Variants in STAG2 observed in about 807,000 individuals in gnomAD.
STAG2 encodes the protein cohesin subunit SA-2.
STAG2 carries 14 observed loss-of-function variants against 108.1 expected under a neutral mutation model. The observed-to-expected ratio is 0.13, with a 90% CI of 0.09 to 0.20. The LOEUF is 0.20. Ranked by LOEUF, STAG2 falls within the 10% of genes least tolerant of loss-of-function variation. The pLI, the probability that STAG2 is intolerant of heterozygous loss-of-function variation, is 1.00. For synonymous variants in STAG2, 307 were observed against 302.7 expected (o/e 1.01, Z -0.15); for missense variants, 440 against 940.9 (o/e 0.47, Z 6.96).
chrX:123,999,807 G>A (rs2055938029), intron 1 of STAG2, among the ~76,000 whole-genome samples: 1 of 110,440 alleles, frequency 9.1e-6, no homozygotes, highest in Admixed American at 9.7e-5. Flanking sequence ...TGTAGCCGGG[G>A]TTTCTGCATG....
At chrX:124,032,474 T>C (rs751192408) in intron 5 of STAG2, among the ~76,000 whole-genome samples, 1 of 105,583 alleles carries the variant, frequency 9.5e-6, no homozygotes, top group African/African-American at 3.4e-5. Context: ...CAGGCAATAG[T>C]TTTTTTTTTT....
At chrX:124,044,646 G>T (rs895055621) in intron 7 of STAG2, among the ~76,000 whole-genome samples, 2 of 111,171 alleles carry the variant, frequency 1.8e-5, no homozygotes, top group East Asian at 5.6e-4. Context: ...AGTCTTCCAA[G>T]GCAATACTAG....
At chrX:123,964,960 CTTTTT>C (rs33913146) in intron 1 of STAG2, among the ~76,000 whole-genome samples, 1 of 80,143 alleles carries the variant, frequency 1.2e-5, no homozygotes, top group Non-Finnish European at 2.4e-5. Context: ...AGGTAAGTGC[CTTTTT>C]TTTTTTTTTT....
intron 1 of STAG2, among the ~76,000 whole-genome samples, chrX:123,971,458 T>C (rs1026631364): frequency 8.9e-6 from 1 of 112,248 alleles, no homozygotes; most frequent in Non-Finnish European, 1.9e-5. Context: ...TAGAGATTTC[T>C]ATGGGAATGA....
At chrX:124,056,071 T>A in intron 13 of STAG2, 57 bp from the exon 14 acceptor site, 1 of 785,614 alleles carries the variant, frequency 1.3e-6, no homozygotes, top group Non-Finnish European at 1.9e-6. Flanking sequence ...TTTTGTACTG[T>A]TAATATGCTT....
At chrX:124,039,943 T>C (rs2148136061) in intron 6 of STAG2, among the ~76,000 whole-genome samples, 1 of 111,315 alleles carries the variant, frequency 9.0e-6, no homozygotes, top group Admixed American at 9.6e-5. Flanking sequence ...CAAGTGAGTT[T>C]GTCAAGATTT....
At chrX:124,083,639 A>G (rs2059019667) in intron 29 of STAG2, 90 bp downstream of exon 29, 3 of 770,829 alleles carry the variant, frequency 3.9e-6, no homozygotes, top group Admixed American at 7.5e-5. Flanking sequence ...TTCTACTCAC[A>G]CAGAATTGTA....
intron 1 of STAG2, among the ~76,000 whole-genome samples, chrX:123,989,884 G>A (rs2055367648): frequency 1.8e-5 from 2 of 111,072 alleles, no homozygotes; most frequent in Admixed American, 9.6e-5. Flanking sequence ...TTACAGGCGT[G>A]AGCCACCACC....
intron 34 of STAG2, 128 bp from the exon 35 acceptor site, chrX:124,100,446 G>A (rs1387053613): frequency 3.8e-6 from 2 of 520,766 alleles, no homozygotes; most frequent in East Asian, 3.8e-5. Flanking sequence ...GAAGAGAGGG[G>A]AAGTTTTCAA....
At chrX:124,027,061 G>A (rs2057129479) in intron 4 of STAG2, among the ~76,000 whole-genome samples, 1 of 110,826 alleles carries the variant, frequency 9.0e-6, no homozygotes, top group Non-Finnish European at 1.9e-5. Flanking sequence ...GTGCCACGAT[G>A]CCTGGCTTCT....
chrX:123,982,952 A>T (rs748271982), intron 1 of STAG2, among the ~76,000 whole-genome samples: 1 of 111,223 alleles, frequency 9.0e-6, no homozygotes, highest in Admixed American at 9.6e-5. Context: ...AGCTCTTGGT[A>T]ACTGAAGTTA....
intron 15 of STAG2, among the ~76,000 whole-genome samples, chrX:124,060,405 C>T (rs1261821019): frequency 1.8e-5 from 2 of 111,888 alleles, no homozygotes; most frequent in South Asian, 3.8e-4. Context: ...GGATTACAGG[C>T]GTGAGCCACC....
chrX:124,028,822 A>ATATTTTT (rs1296806013), intron 4 of STAG2, among the ~76,000 whole-genome samples: 2 of 38,986 alleles, frequency 5.1e-5, no homozygotes, highest in African/African-American at 2.2e-4. Flanking sequence ...ATATATATAT[A>ATATTTTT]TTTTTTTTTT....
At chrX:124,081,044 C>T (rs779371897) in intron 27 of STAG2, among the ~76,000 whole-genome samples, 18 of 110,705 alleles carry the variant, frequency 1.6e-4, no homozygotes, top group African/African-American at 5.2e-4. Context: ...AGATTCACCA[C>T]TTAAACGTAA....
intron 1 of STAG2, among the ~76,000 whole-genome samples, chrX:123,989,758 C>T (rs1331353989): frequency 9.1e-6 from 1 of 109,319 alleles, no homozygotes; most frequent in Non-Finnish European, 1.9e-5. Flanking sequence ...CGCCCGCCAC[C>T]ATGCCTGGGT....
In STAG2 at chrX:124,063,129, C is replaced by G. The variant is rs2148320971; in HGVS notation, c.1745C>G (p.Ala582Gly). Residue 582 changes from alanine to glycine, a missense_variant, in exon 19 of 35, where the codon GCA becomes GGA. Around this residue, in one of 3 missense-constraint regions of STAG2, gnomAD observed 337 missense variants for 649.3 expected, o/e 0.52. Transcript: ENST00000371145. ...PQLLAKYSVD[A>G]EKVTNLLQLP... ...TATATTTCACAGTACTCTGTAGATG[C>G]AGAAAAGGTGACTAACTTGTTGCAG... 3 of 1,204,445 alleles carry G rather than the reference C, an allele frequency of 2.5e-6. No homozygotes were observed. Among genetic ancestry groups the G allele is most frequent in the Non-Finnish European group, 3.4e-6 (3 of 890,429 alleles).
intron 1 of STAG2, among the ~76,000 whole-genome samples, chrX:123,973,913 C>T (rs1480694440): frequency 1.8e-5 from 2 of 110,533 alleles, no homozygotes; most frequent in Non-Finnish European, 3.8e-5. Context: ...AGTCTCTGCC[C>T]TTAGGGGAAT....
In STAG2 at chrX:124,051,118, TAGC is replaced by T; in HGVS notation, c.1018-1_1019del. Reference sequence around the variant, plus strand: ...TCTCATCTTTTTTTTTTTTTTTTTTTAGCAAGGTGAAGTAAGACTCAAATGTCT... The same window carrying T: ...TCTCATCTTTTTTTTTTTTTTTTTTTAAGGTGAAGTAAGACTCAAATGTCT... On this transcript the variant is annotated splice_acceptor_variant and coding_sequence_variant, in exon 12 of 35. Transcript: ENST00000371145. LOFTEE classifies it high-confidence loss of function. 2 of 925,744 alleles carry T rather than the reference TAGC, an allele frequency of 2.2e-6. No individual in the cohort carries two copies. The highest frequency in any genetic ancestry group is 2.9e-6 in the Non-Finnish European group (2 of 689,368). The allele number at this position is 925,744 out of a possible 1,213,427, so 76.3% of individuals were successfully genotyped here.
At chrX:124,019,052 C>CT (rs751161706) in intron 1 of STAG2, among the ~76,000 whole-genome samples, 16,660 of 79,873 alleles carry the variant, frequency 0.21, 2,034 homozygotes, top group African/African-American at 0.32. Context: ...ATTTAGCACT[C>CT]TTTTTTTTTT....
Sources: allele counts gnomAD v4.1 joint callset (sites outside exome capture counted in the v4.1 genomes callset), GRCh38; gene constraint gnomAD v4.1.1; regional missense constraint gnomAD v4.1.1; transcripts MANE v1.5; gene names NCBI Gene and HGNC (gene_info 2026-07-23, HGNC 2026-07-21).